The following NCKAP5 variants were observed in gnomAD, a reference collection of about 807,000 sequenced individuals.
The protein encoded by NCKAP5 is nck-associated protein 5.
A neutral mutation model predicts 167.0 loss-of-function variants in NCKAP5; 92 were observed. That is an observed-to-expected ratio of 0.55 (90% CI 0.47 to 0.66). The LOEUF is 0.66. Among genes scored for constraint, NCKAP5 ranks in the 30% least tolerant of loss-of-function variants. NCKAP5 has a pLI of 0.00. For synonymous variants in NCKAP5, 891 were observed against 877.4 expected (o/e 1.02, Z -0.27); for missense variants, 2,378 against 2,315.0 (o/e 1.03, Z -0.56).
the NCKAP5 span, among the ~76,000 whole-genome samples, chr2:133,658,038 C>T: frequency 6.6e-6 from 1 of 152,152 alleles, no homozygotes; most frequent in Non-Finnish European, 1.5e-5. Context: ...ATGGGCAAGG[C>T]TGAATCTATG....
At position 133,517,510 on chromosome 2, in the gene NCKAP5, T is replaced by C; in HGVS notation, c.17A>G (p.Gln6Arg). 6.5e-7 allele frequency: 1 copy of C among 1,539,728 alleles called. No homozygotes were observed. MEGKRQLEKRDFGKRL... is the reference protein window; with the variant it reads MEGKRRLEKRDFGKRL... ...TTTTCCAAAGTCCCTTTTCTCAAGC[T>C]GTCTCTTTCCCTCCATGGATGAAGT... The change falls in exon 3 of 20, where the codon CAG becomes CGG. Residue 6 changes from glutamine (Q) to arginine (R), a missense_variant. Physicochemically the swap from Gln to Arg is conservative, Grantham distance 43. This residue lies in a region of NCKAP5 where 1,049 missense variants were observed against 1,023.4 expected (regional missense o/e 1.02). Transcript: ENST00000409261.
At chr2:133,589,139 G>C in the NCKAP5 span, among the ~76,000 whole-genome samples, 1 of 152,170 alleles carries the variant, frequency 6.6e-6, no homozygotes, top group South Asian at 2.1e-4. Flanking sequence ...GAACTGCAGA[G>C]AAACCAAGGG....
At chr2:133,120,896 A>G (rs2149758314) in intron 6 of NCKAP5, among the ~76,000 whole-genome samples, 2 of 152,342 alleles carry the variant, frequency 1.3e-5, no homozygotes, top group Admixed American at 1.3e-4. Flanking sequence ...TAAGTCTAGC[A>G]GAATTCTGGC....
At chr2:133,213,124 G>A (rs1331294744) in intron 5 of NCKAP5, among the ~76,000 whole-genome samples, 1 of 152,102 alleles carries the variant, frequency 6.6e-6, no homozygotes, top group Non-Finnish European at 1.5e-5. Context: ...TGTTATAAGA[G>A]GCACAGAGGC....
chr2:133,597,166 G>A, the NCKAP5 span, among the ~76,000 whole-genome samples: 51,567 of 152,068 alleles, frequency 0.34, 10,089 homozygotes, highest in Middle Eastern at 0.53. Context: ...CACAGCATCC[G>A]GCAAAGCAGA....
At chr2:133,188,429 C>T (rs1040469320) in intron 5 of NCKAP5, among the ~76,000 whole-genome samples, 8 of 151,924 alleles carry the variant, frequency 5.3e-5, no homozygotes, top group Non-Finnish European at 1.0e-4. Context: ...CTGCACCAAG[C>T]CGACCTAATA....
chr2:133,376,602 C>G (rs1003423150), intron 3 of NCKAP5, among the ~76,000 whole-genome samples: 1 of 152,206 alleles, frequency 6.6e-6, no homozygotes, highest in Non-Finnish European at 1.5e-5. Context: ...ACTACCCAAA[C>G]TGTGGGCTGG....
intron 19 of NCKAP5, among the ~76,000 whole-genome samples, chr2:132,709,077 C>T (rs1436764385): frequency 6.6e-6 from 1 of 152,030 alleles, no homozygotes; most frequent in Non-Finnish European, 1.5e-5. Flanking sequence ...CCTTGTAAAA[C>T]TTTCCTATTA....
chr2:132,682,246 ATGGGGAGACATGCTGG>A (rs1685328467), intron 19 of NCKAP5, among the ~76,000 whole-genome samples: 1 of 152,142 alleles, frequency 6.6e-6, no homozygotes, highest in Non-Finnish European at 1.5e-5. Flanking sequence ...GGGTTCTAGA[ATGGGGAGACATGCTGG>A]TGGGGAGGTT....
chr2:132,707,770 A>T (rs1688500171), intron 19 of NCKAP5, among the ~76,000 whole-genome samples: 2 of 152,208 alleles, frequency 1.3e-5, no homozygotes, highest in South Asian at 4.1e-4. Flanking sequence ...TGGATCTCTC[A>T]TAGCTTTGCG....
intron 4 of NCKAP5, among the ~76,000 whole-genome samples, chr2:133,247,072 A>C (rs2088037405): frequency 6.6e-6 from 1 of 152,242 alleles, no homozygotes; most frequent in African/African-American, 2.4e-5. Context: ...AGAATCATTT[A>C]TATCACATGC....
At chr2:132,931,602 A>G (rs533449986) in intron 8 of NCKAP5, 2 of 152,320 alleles carry the variant, frequency 1.3e-5, no homozygotes, top group South Asian at 4.1e-4. Flanking sequence ...AAAGTTCACA[A>G]TTCTATGGTG....
chr2:132,973,830 TGA>T (rs2076903547), intron 7 of NCKAP5, among the ~76,000 whole-genome samples: 1 of 152,180 alleles, frequency 6.6e-6, no homozygotes, highest in Admixed American at 6.5e-5. Flanking sequence ...AAAAGGCCAG[TGA>T]GAGTTTAGTG....
chr2:133,289,515 G>A (rs1679409456), intron 4 of NCKAP5, among the ~76,000 whole-genome samples: 1 of 152,036 alleles, frequency 6.6e-6, no homozygotes, highest in Non-Finnish European at 1.5e-5. Flanking sequence ...GCCGAGGCAG[G>A]CAGATCACTT....
intron 2 of NCKAP5, among the ~76,000 whole-genome samples, chr2:133,526,263 AGGAGGGAGGGAG>A (rs1318226073): frequency 3.8e-5 from 1 of 26,208 alleles, no homozygotes; most frequent in African/African-American, 1.5e-4. Context: ...GAGGGAGGGA[AGGAGGGAGGGAG>A]GGAAGGAGGG....
intron 4 of NCKAP5, chr2:133,284,753 C>T (rs976683153): frequency 1.3e-5 from 2 of 152,144 alleles, no homozygotes; most frequent in Non-Finnish European, 2.9e-5. Flanking sequence ...CTTTGAAAGC[C>T]CATGAGAAAG....
intron 6 of NCKAP5, among the ~76,000 whole-genome samples, chr2:133,100,139 G>A (rs905864300): frequency 9.2e-5 from 14 of 152,176 alleles, no homozygotes; most frequent in Admixed American, 2.6e-4. Flanking sequence ...ATGGGGATAC[G>A]TCAATAACTT....
intron 18 of NCKAP5, among the ~76,000 whole-genome samples, chr2:132,728,299 TGTC>T (rs1276187281): frequency 6.6e-6 from 1 of 152,106 alleles, no homozygotes; most frequent in African/African-American, 2.4e-5. Context: ...GTTCCGTGTG[TGTC>T]ATCTCAGGGC....
chr2:133,189,642 A>G (rs990540210), intron 5 of NCKAP5, among the ~76,000 whole-genome samples: 1 of 152,250 alleles, frequency 6.6e-6, no homozygotes, highest in East Asian at 1.9e-4. Context: ...AGGCAAATCA[A>G]TAAATGTAAT....
Sources: gnomAD v4.1 joint callset for allele counts (sites outside exome capture counted in the v4.1 genomes callset) on GRCh38, gnomAD v4.1.1 for gene constraint, gnomAD v4.1.1 regional missense constraint, MANE v1.5 for transcripts, NCBI Gene and HGNC (gene_info 2026-07-23, HGNC 2026-07-21) for gene names.